LGSN: variants seen among roughly 807,000 people sequenced by gnomAD.
LGSN encodes lengsin, lens protein with glutamine synthetase domain.
In LGSN, 21 loss-of-function variants were observed where a neutral mutation model predicts 19.5. The observed-to-expected ratio is 1.07, with a 90% CI of 0.76 to 1.55. LGSN has a LOEUF of 1.55. LGSN is among the 40% of genes most tolerant of loss of function. LGSN has a pLI of 0.00. For missense variants in LGSN, 673 were observed against 608.5 expected, an observed-to-expected ratio of 1.11 and a Z score of -1.12; for synonymous variants, 257 against 215.6, an observed-to-expected ratio of 1.19 and a Z score of -1.68.
the LGSN span, among the ~76,000 whole-genome samples, chr6:63,513,203 G>A: frequency 1.3e-5 from 2 of 152,108 alleles, no homozygotes; most frequent in Non-Finnish European, 2.9e-5. Flanking sequence ...ACTTTCAAAC[G>A]AGAAAGAAAT....
chr6:63,387,176 T>C, the LGSN span, among the ~76,000 whole-genome samples: 1 of 152,092 alleles, frequency 6.6e-6, no homozygotes, highest in Admixed American at 6.6e-5. Context: ...AATTCAGACC[T>C]TCGAACCAAA....
intron 1 of LGSN, among the ~76,000 whole-genome samples, chr6:63,308,984 T>C (rs1417210357): frequency 6.6e-6 from 1 of 152,186 alleles, no homozygotes; most frequent in Non-Finnish European, 1.5e-5. Flanking sequence ...GTATTCCTAC[T>C]CCTAGCAACT....
the LGSN span, among the ~76,000 whole-genome samples, chr6:63,453,220 T>C: frequency 1.3e-5 from 2 of 152,180 alleles, no homozygotes; most frequent in Non-Finnish European, 2.9e-5. Context: ...ATATGGTCTA[T>C]CTTGGTGAAT....
chr6:63,450,116 G>A, the LGSN span, among the ~76,000 whole-genome samples: 54 of 151,532 alleles, frequency 3.6e-4, no homozygotes, highest in East Asian at 0.01. Context: ...GGAGGCTGAG[G>A]CGGGTGGATC....
the LGSN span, among the ~76,000 whole-genome samples, chr6:63,456,393 A>ATATGT: frequency 9.7e-6 from 1 of 102,758 alleles, no homozygotes; most frequent in Non-Finnish European, 1.8e-5. Flanking sequence ...ATATATATAT[A>ATATGT]CTTTTTTTTT....
chr6:63,442,230 G>C, the LGSN span, among the ~76,000 whole-genome samples: 3 of 152,164 alleles, frequency 2.0e-5, no homozygotes, highest in African/African-American at 7.2e-5. Context: ...AGACCTTCAC[G>C]GTGAGTGTTA....
chr6:63,469,521 A>C, the LGSN span, among the ~76,000 whole-genome samples: 3 of 152,212 alleles, frequency 2.0e-5, no homozygotes, highest in Non-Finnish European at 4.4e-5. Flanking sequence ...AAGATATTTT[A>C]AGAAGATTGC....
the LGSN span, among the ~76,000 whole-genome samples, chr6:63,347,265 A>G: frequency 6.6e-6 from 1 of 152,190 alleles, no homozygotes; most frequent in East Asian, 1.9e-4. Context: ...AAAATTTCTT[A>G]GTTTTATGTA....
the LGSN span, among the ~76,000 whole-genome samples, chr6:63,543,681 A>G: frequency 1.3e-5 from 2 of 152,190 alleles, no homozygotes; most frequent in Admixed American, 6.5e-5. Flanking sequence ...CAAGAGCCCA[A>G]TATTTGAGAA....
intron 3 of LGSN, among the ~76,000 whole-genome samples, chr6:63,282,926 GTA>G (rs757980740): frequency 2.0e-5 from 3 of 151,976 alleles, no homozygotes; most frequent in Non-Finnish European, 4.4e-5. Context: ...TTGAAATTCT[GTA>G]TATTAGTTCT....
the LGSN span, among the ~76,000 whole-genome samples, chr6:63,337,398 G>T: frequency 6.6e-6 from 1 of 151,878 alleles, no homozygotes; most frequent in Non-Finnish European, 1.5e-5. Flanking sequence ...AAGAGGCAGA[G>T]GTTGCGAGGT....
chr6:63,284,784 CT>C (rs1767458552), intron 3 of LGSN, among the ~76,000 whole-genome samples: 1 of 152,124 alleles, frequency 6.6e-6, no homozygotes, highest in Non-Finnish European at 1.5e-5. Flanking sequence ...AAGTTTGAAT[CT>C]GTTAGAATTA....
At chr6:63,334,881 G>C in the LGSN span, among the ~76,000 whole-genome samples, 1 of 152,100 alleles carries the variant, frequency 6.6e-6, no homozygotes, top group African/African-American at 2.4e-5. Flanking sequence ...GCTCACATCT[G>C]TAATCTCAGC....
chr6:63,532,536 T>G, the LGSN span, among the ~76,000 whole-genome samples: 1 of 151,880 alleles, frequency 6.6e-6, no homozygotes, highest in Non-Finnish European at 1.5e-5. Context: ...TGGAGGTAGG[T>G]GCAAACCAGG....
At chr6:63,482,500 G>A in the LGSN span, among the ~76,000 whole-genome samples, 81,430 of 152,038 alleles carry the variant, frequency 0.54, 23,613 homozygotes, top group African/African-American at 0.77. Flanking sequence ...AGGCCAAGGC[G>A]GGTGGATTGC....
chr6:63,394,633 T>C, the LGSN span, among the ~76,000 whole-genome samples: 1 of 152,206 alleles, frequency 6.6e-6, no homozygotes, highest in African/African-American at 2.4e-5. Flanking sequence ...GTAACCATTC[T>C]TTATTCCTTT....
the LGSN span, among the ~76,000 whole-genome samples, chr6:63,391,828 T>G: frequency 3.3e-5 from 5 of 152,092 alleles, no homozygotes; most frequent in Admixed American, 1.3e-4. Context: ...ATAAGGGCCC[T>G]AGGAGCAGAG....
chr6:63,461,895 A>G, the LGSN span, among the ~76,000 whole-genome samples: 2 of 152,128 alleles, frequency 1.3e-5, no homozygotes, highest in African/African-American at 2.4e-5. Context: ...TCTGGCTCCA[A>G]CTCTAATTCT....
chr6:63,567,381 G>C, the LGSN span, among the ~76,000 whole-genome samples: 1 of 152,202 alleles, frequency 6.6e-6, no homozygotes, highest in Non-Finnish European at 1.5e-5. Context: ...TGTGTTAGAA[G>C]GCATGAAAAC....
Sources: allele counts gnomAD v4.1 joint callset (sites outside exome capture counted in the v4.1 genomes callset), GRCh38; gene constraint gnomAD v4.1.1; transcripts MANE v1.5; gene names NCBI Gene and HGNC (gene_info 2026-07-23, HGNC 2026-07-21).